PCED1B: variants seen among roughly 807,000 people sequenced by gnomAD.
PCED1B encodes PC-esterase domain containing 1B.
For missense variants in PCED1B, 573 were observed against 573.9 expected (o/e 1.00, Z 0.02); for synonymous variants, 251 against 246.1 (o/e 1.02, Z -0.19).
chr12:47,117,835 T>G (rs1265858934), intron 2 of PCED1B, among the ~76,000 whole-genome samples: 2 of 152,194 alleles, frequency 1.3e-5, no homozygotes, highest in Admixed American at 1.3e-4. Flanking sequence ...GTGTTCCTAT[T>G]TCTCCACATC....
intron 2 of PCED1B, among the ~76,000 whole-genome samples, chr12:47,177,643 A>G (rs1941966568): frequency 6.6e-6 from 1 of 152,092 alleles, no homozygotes; most frequent in Admixed American, 6.6e-5. Flanking sequence ...AACTGGAGGA[A>G]TGTTCCCAAA....
chr12:47,100,971 G>A (rs528044600), intron 1 of PCED1B, among the ~76,000 whole-genome samples: 3 of 152,096 alleles, frequency 2.0e-5, no homozygotes, highest in South Asian at 2.1e-4. Context: ...TCAGGAGGTC[G>A]AGGCAGGAGA....
At chr12:47,215,742 G>C (rs1943237199) in intron 2 of PCED1B, among the ~76,000 whole-genome samples, 1 of 152,128 alleles carries the variant, frequency 6.6e-6, no homozygotes, top group African/African-American at 2.4e-5. Context: ...TCAGTGGAGA[G>C]ATGAAGTGAA....
chr12:47,152,893 C>A (rs1264412158), intron 2 of PCED1B, among the ~76,000 whole-genome samples: 12 of 151,840 alleles, frequency 7.9e-5, no homozygotes, highest in Admixed American at 7.9e-4. Flanking sequence ...CTAGATTGTG[C>A]CACTCCACTC....
At chr12:47,215,946 C>T (rs1056014853) in intron 2 of PCED1B, among the ~76,000 whole-genome samples, 3 of 151,948 alleles carry the variant, frequency 2.0e-5, no homozygotes, top group South Asian at 2.1e-4. Flanking sequence ...CACAGCTACT[C>T]GGAGCCTGAA....
intron 3 of PCED1B, among the ~76,000 whole-genome samples, chr12:47,218,400 C>A (rs947511907): frequency 2.6e-5 from 4 of 152,260 alleles, no homozygotes; most frequent in Non-Finnish European, 4.4e-5. Flanking sequence ...AGCCGTAGAG[C>A]TTGAAACTGG....
intron 2 of PCED1B, among the ~76,000 whole-genome samples, chr12:47,108,749 C>T (rs1047202781): frequency 2.0e-5 from 3 of 152,252 alleles, no homozygotes; most frequent in East Asian, 3.9e-4. Flanking sequence ...CTTCTTTAAA[C>T]TTCATGCCTC....
chr12:47,105,231 G>C (rs1007936660), intron 2 of PCED1B, among the ~76,000 whole-genome samples: 1 of 152,240 alleles, frequency 6.6e-6, no homozygotes, highest in Non-Finnish European at 1.5e-5. Context: ...TTGATTGACA[G>C]AGTGAACGCG....
intron 2 of PCED1B, among the ~76,000 whole-genome samples, chr12:47,154,147 C>T (rs1395400099): frequency 6.6e-6 from 1 of 152,176 alleles, no homozygotes; most frequent in Non-Finnish European, 1.5e-5. Context: ...TATCTTCTAC[C>T]AGCATCCATG....
intron 2 of PCED1B, among the ~76,000 whole-genome samples, chr12:47,183,024 T>C (rs1362481789): frequency 6.6e-6 from 1 of 152,134 alleles, no homozygotes; most frequent in Non-Finnish European, 1.5e-5. Flanking sequence ...CTTTTTTTTT[T>C]TGGCAATGAT....
chr12:47,214,080 A>G (rs1943175312), intron 2 of PCED1B, among the ~76,000 whole-genome samples: 1 of 152,166 alleles, frequency 6.6e-6, no homozygotes. Flanking sequence ...TATGTAATAG[A>G]CTACTCTGGA....
intron 3 of PCED1B, among the ~76,000 whole-genome samples, chr12:47,221,788 AAGATAAATG>A (rs1943485462): frequency 6.6e-6 from 1 of 152,106 alleles, no homozygotes; most frequent in Admixed American, 6.6e-5. Flanking sequence ...GTTTGATGGG[AAGATAAATG>A]AGTGTCTAGA....
chr12:47,229,360 A>G (rs1943729099), intron 3 of PCED1B, among the ~76,000 whole-genome samples: 1 of 151,574 alleles, frequency 6.6e-6, no homozygotes, highest in Non-Finnish European at 1.5e-5. Context: ...TTTGCAGTGA[A>G]CTGAGATTGC....
At chr12:47,107,098 C>T (rs534933268) in intron 2 of PCED1B, among the ~76,000 whole-genome samples, 66 of 152,316 alleles carry the variant, frequency 4.3e-4, no homozygotes, top group African/African-American at 1.5e-3. Flanking sequence ...AGCAATTCTT[C>T]ATGATACCAA....
At chr12:47,144,244 A>T (rs984292726) in intron 2 of PCED1B, among the ~76,000 whole-genome samples, 1 of 152,158 alleles carries the variant, frequency 6.6e-6, no homozygotes, top group Admixed American at 6.5e-5. Context: ...TGTGGGAAGG[A>T]GAAATCTAGG....
chr12:47,094,612 A>G (rs1411794364), intron 1 of PCED1B, among the ~76,000 whole-genome samples: 7 of 151,732 alleles, frequency 4.6e-5, no homozygotes, highest in Admixed American at 4.6e-4. Context: ...AGAGATTGCA[A>G]TATATATCCT....
chr12:47,161,961 T>C (rs1941395623), intron 2 of PCED1B, among the ~76,000 whole-genome samples: 1 of 152,156 alleles, frequency 6.6e-6, no homozygotes, highest in African/African-American at 2.4e-5. Context: ...ATGTCCTTTG[T>C]AGGGACATGG....
intron 3 of PCED1B, among the ~76,000 whole-genome samples, chr12:47,233,700 T>C (rs1270727559): frequency 6.6e-6 from 1 of 152,208 alleles, no homozygotes; most frequent in East Asian, 1.9e-4. Flanking sequence ...TTTACCTTCC[T>C]GAAGGAAATA....
chr12:47,170,819 T>A (rs939195768), intron 2 of PCED1B, among the ~76,000 whole-genome samples: 2 of 152,170 alleles, frequency 1.3e-5, no homozygotes, highest in African/African-American at 4.8e-5. Context: ...TATTTAATAT[T>A]TATCTTTGGT....
Sources: gnomAD v4.1 joint callset for allele counts (sites outside exome capture counted in the v4.1 genomes callset) on GRCh38, gnomAD v4.1.1 for gene constraint, MANE v1.5 for transcripts, NCBI Gene and HGNC (gene_info 2026-07-23, HGNC 2026-07-21) for gene names.